The following FHIT variants were observed in gnomAD, a reference collection of about 807,000 sequenced individuals.
FHIT encodes the protein bis(5'-adenosyl)-triphosphatase.
A neutral mutation model predicts 17.9 loss-of-function variants in FHIT; 19 were observed. The ratio of observed to expected loss-of-function variants is 1.06; its 90% CI spans 0.74 to 1.56. The LOEUF is 1.56. Ranked by LOEUF, FHIT falls within the 40% of genes most tolerant of loss-of-function variation. FHIT has a pLI of 0.00. For missense variants in FHIT, 248 were observed against 189.2 expected (o/e 1.31, Z -1.82); for synonymous variants, 81 against 69.7 (o/e 1.16, Z -0.81).
chr3:60,775,934 A>G (rs1372524648), intron 4 of FHIT, among the ~76,000 whole-genome samples: 1 of 152,176 alleles, frequency 6.6e-6, no homozygotes, highest in Non-Finnish European at 1.5e-5. Flanking sequence ...CTGGTGGAGG[A>G]ACCACTTGCA....
intron 5 of FHIT, among the ~76,000 whole-genome samples, chr3:60,452,003 T>G (rs1250002376): frequency 6.6e-6 from 1 of 152,166 alleles, no homozygotes; most frequent in Non-Finnish European, 1.5e-5. Flanking sequence ...AATTGATGTC[T>G]CAAGACTTGT....
intron 5 of FHIT, among the ~76,000 whole-genome samples, chr3:60,258,578 G>C (rs1293088154): frequency 6.6e-6 from 1 of 151,920 alleles, no homozygotes; most frequent in African/African-American, 2.4e-5. Flanking sequence ...AGTAGTATAG[G>C]GGAAAAATAT....
At chr3:60,433,817 A>G (rs2029958522) in intron 5 of FHIT, among the ~76,000 whole-genome samples, 1 of 152,032 alleles carries the variant, frequency 6.6e-6, no homozygotes, top group Non-Finnish European at 1.5e-5. Context: ...CATATTTTGC[A>G]TATTAGATGC....
At position 60,860,459 on chromosome 3, in the gene FHIT, TAC is replaced by T. The variant is rs1553751511; in HGVS notation, c.-110-38450_-110-38449del. On this transcript the variant is annotated intron_variant, in intron 3 of 9. Transcript: ENST00000492590. Reference sequence around the variant, plus strand: ...ATATCATGTATATATGATACATATGTACATATATATGTATATATGATACATAT... The same window carrying T: ...ATATCATGTATATATGATACATATGTATATATATGTATATATGATACATAT... 3.2e-5 allele frequency among the ~76,000 whole-genome samples: 4 copies of T among 123,600 alleles called. 1 individual carries two copies. The highest frequency in any genetic ancestry group is 6.9e-5 in the Non-Finnish European group (4 of 58,232). 81.1% of individuals were successfully genotyped at this position (123,600 alleles called of 152,430 possible).
chr3:59,960,590 G>A (rs1393291846), intron 7 of FHIT, among the ~76,000 whole-genome samples: 1 of 152,158 alleles, frequency 6.6e-6, no homozygotes, highest in African/African-American at 2.4e-5. Context: ...TTTATAGCTA[G>A]AAATGGTTGA....
intron 1 of FHIT, among the ~76,000 whole-genome samples, chr3:61,235,021 G>T (rs1467151248): frequency 6.6e-6 from 1 of 152,086 alleles, no homozygotes; most frequent in East Asian, 1.9e-4. Context: ...AATTTGTATT[G>T]AAATTCATCC....
intron 8 of FHIT, among the ~76,000 whole-genome samples, chr3:59,919,136 C>T (rs970659053): frequency 3.9e-5 from 6 of 152,052 alleles, no homozygotes; most frequent in East Asian, 1.9e-4. Context: ...CTGAAAATGG[C>T]GGTAATGATC....
rs564103658 is a variant in FHIT, at chr3:60,113,788, TGAG to T, written c.104-99639_104-99637del. ...AGGCCGAGGCGAGCGGATCACGAGGTGAGGAGATCGAGACCATCCTGGTTAACA... is the reference window on the plus strand; with the variant it reads ...AGGCCGAGGCGAGCGGATCACGAGGTGAGATCGAGACCATCCTGGTTAACA... On this transcript the variant is annotated intron_variant, in intron 5 of 9. Transcript: ENST00000492590. Among the ~76,000 whole-genome samples the T allele has an allele frequency of 2.8e-3, 416 of 149,834 alleles. 5 individuals carry two copies. Among genetic ancestry groups the T allele is most frequent in the African/African-American group, 9.6e-3 (386 of 40,406 alleles).
intron 3 of FHIT, among the ~76,000 whole-genome samples, chr3:60,967,218 A>T (rs1166074595): frequency 6.6e-6 from 1 of 152,210 alleles, no homozygotes; most frequent in African/African-American, 2.4e-5. Context: ...CTGGATGAGA[A>T]CATAAATGTA....
intron 4 of FHIT, among the ~76,000 whole-genome samples, chr3:60,739,064 T>C (rs1249793054): frequency 2.0e-5 from 3 of 149,634 alleles, no homozygotes; most frequent in African/African-American, 7.4e-5. Context: ...CGGAGAAGAG[T>C]TTGGCCGCTG....
At chr3:60,640,845 G>A (rs2039707782) in intron 4 of FHIT, among the ~76,000 whole-genome samples, 2 of 152,134 alleles carry the variant, frequency 1.3e-5, no homozygotes, top group Admixed American at 6.5e-5. Context: ...GTATTTATAG[G>A]TGAAATAATT....
intron 5 of FHIT, among the ~76,000 whole-genome samples, chr3:60,082,721 G>A (rs1703342168): frequency 6.6e-6 from 1 of 152,082 alleles, no homozygotes; most frequent in Non-Finnish European, 1.5e-5. Flanking sequence ...TTTCTCTGAT[G>A]ATTAGTGAGG....
chr3:60,579,759 T>A (rs535877173), intron 4 of FHIT, among the ~76,000 whole-genome samples: 1 of 152,176 alleles, frequency 6.6e-6, no homozygotes, highest in Non-Finnish European at 1.5e-5. Flanking sequence ...TGTTGGCATA[T>A]TCTCCTGAGT....
chr3:60,819,361 A>C (rs1328473134), intron 4 of FHIT, among the ~76,000 whole-genome samples: 3 of 152,174 alleles, frequency 2.0e-5, no homozygotes, highest in Non-Finnish European at 4.4e-5. Flanking sequence ...ACATCAATCA[A>C]TTCTAGCTCT....
intron 3 of FHIT, among the ~76,000 whole-genome samples, chr3:61,040,665 T>C (rs931294670): frequency 5.9e-5 from 9 of 152,140 alleles, no homozygotes; most frequent in Non-Finnish European, 1.2e-4. Flanking sequence ...GGCCCAAGGG[T>C]AGTGGAGATG....
chr3:60,033,408 C>T (rs1030994483), intron 5 of FHIT, among the ~76,000 whole-genome samples: 6 of 151,764 alleles, frequency 4.0e-5, no homozygotes, highest in African/African-American at 9.7e-5. Flanking sequence ...GCAGGAGAAT[C>T]GCTTGAACCT....
chr3:60,515,322 G>A (rs1383809481), intron 5 of FHIT, among the ~76,000 whole-genome samples: 3 of 152,204 alleles, frequency 2.0e-5, no homozygotes, highest in Admixed American at 2.0e-4. Context: ...AGCACCACTG[G>A]ATGTGGTGGG....
At chr3:59,896,549 CTCTTTA>C (rs1704081484) in intron 8 of FHIT, among the ~76,000 whole-genome samples, 1 of 152,100 alleles carries the variant, frequency 6.6e-6, no homozygotes, top group Non-Finnish European at 1.5e-5. Flanking sequence ...CTCCCTCGTT[CTCTTTA>C]TGAGTACTAA....
intron 8 of FHIT, among the ~76,000 whole-genome samples, chr3:59,870,830 C>T (rs1462544196): frequency 6.6e-6 from 1 of 151,836 alleles, no homozygotes; most frequent in Non-Finnish European, 1.5e-5. Context: ...TATATTGATA[C>T]TTCTCAAATC....
Sources: allele counts gnomAD v4.1 joint callset (sites outside exome capture counted in the v4.1 genomes callset), GRCh38; gene constraint gnomAD v4.1.1; transcripts MANE v1.5; gene names NCBI Gene and HGNC (gene_info 2026-07-23, HGNC 2026-07-21).